The following CCDC3 variants were observed in gnomAD, a reference collection of about 807,000 sequenced individuals.
The protein encoded by CCDC3 is coiled-coil domain-containing protein 3.
In CCDC3, 24 loss-of-function variants were observed where a neutral mutation model predicts 21.4. That is an observed-to-expected ratio of 1.12 (90% CI 0.81 to 1.58). CCDC3 has a LOEUF of 1.58. CCDC3 is among the 40% of genes most tolerant of loss of function. The probability of loss-of-function intolerance (pLI) is 0.00; values close to 1 mark genes in which losing one functional copy is unlikely to be tolerated. For synonymous variants in CCDC3, 186 were observed against 166.0 expected (o/e 1.12, Z -0.93); for missense variants, 425 against 360.9 (o/e 1.18, Z -1.44).
At chr10:12,909,019 G>A (rs1834222355) in intron 2 of CCDC3, among the ~76,000 whole-genome samples, 1 of 152,190 alleles carries the variant, frequency 6.6e-6, no homozygotes, top group South Asian at 2.1e-4. Context: ...ACAGTGGATG[G>A]GGCTCTGGTC....
chr10:13,031,858 C>T (rs567903173), intron 5 of CCDC3, among the ~76,000 whole-genome samples: 1 of 152,116 alleles, frequency 6.6e-6, no homozygotes, highest in Non-Finnish European at 1.5e-5. Flanking sequence ...AATAGCCTAC[C>T]AATGAAAAAA....
intron 2 of CCDC3, among the ~76,000 whole-genome samples, chr10:12,967,714 G>GA (rs1394160252): frequency 2.6e-5 from 4 of 151,930 alleles, no homozygotes; most frequent in Admixed American, 2.0e-4. Flanking sequence ...GGAATTAAGG[G>GA]AAAAAAACAT....
chr10:13,083,986 G>A (rs1837073612), intron 3 of CCDC3, among the ~76,000 whole-genome samples: 1 of 152,168 alleles, frequency 6.6e-6, no homozygotes, highest in South Asian at 2.1e-4. Flanking sequence ...CAAGGAACAA[G>A]CATTCTGTTT....
intron 2 of CCDC3, among the ~76,000 whole-genome samples, chr10:12,944,661 T>C (rs1029542641): frequency 6.6e-6 from 1 of 152,232 alleles, no homozygotes; most frequent in Non-Finnish European, 1.5e-5. Context: ...AACCTATAAA[T>C]TGATTGAAAC....
intron 1 of CCDC3, 117 bp downstream of exon 1, chr10:13,001,080 A>G: frequency 7.5e-7 from 1 of 1,336,450 alleles, no homozygotes; most frequent in South Asian, 1.5e-5. Context: ...CCCCAGGGGC[A>G]TTCTCACTTG....
intron 5 of CCDC3, among the ~76,000 whole-genome samples, chr10:13,045,388 C>T (rs181905391): frequency 2.6e-5 from 4 of 152,202 alleles, no homozygotes; most frequent in Admixed American, 2.0e-4. Flanking sequence ...TGCCTGTAAT[C>T]GCAGCACTTT....
At chr10:13,088,123 C>T (rs1837134890) in intron 3 of CCDC3, among the ~76,000 whole-genome samples, 1 of 152,184 alleles carries the variant, frequency 6.6e-6, no homozygotes. Context: ...CAACTGTACA[C>T]AGCCGCCCCA....
chr10:12,898,320 C>G lies in CCDC3; in HGVS notation c.*96G>C. On this transcript the variant is annotated 3_prime_UTR_variant, in exon 3 of 3. Coordinates refer to ENST00000378825, the MANE Select transcript of CCDC3 (RefSeq NM_031455.4). ...CCAAATGCGTGATTAAAAACAAAAA[C>G]TCTTACAACCCTTGAAATAGCTGCA... 1 of 1,320,894 alleles carries G rather than the reference C, an allele frequency of 7.6e-7. No individual in the cohort carries two copies. The allele number at this position is 1,320,894 out of a possible 1,614,324, so 81.8% of individuals were successfully genotyped here. A position where few individuals can be genotyped will look rare whatever the true frequency, so the allele number is the denominator to read the frequency against.
chr10:12,972,021 C>A lies in CCDC3; in HGVS notation c.549+26317G>T, dbSNP rs113849680. Among the ~76,000 whole-genome samples the A allele has an allele frequency of 9.9e-5, 15 of 152,184 alleles. 1 individual carries two copies. Among genetic ancestry groups the A allele is most frequent in the African/African-American group, 3.6e-4 (15 of 41,520 alleles). On this transcript the variant is annotated intron_variant, in intron 2 of 2. Coordinates refer to ENST00000378825, the MANE Select transcript of CCDC3 (RefSeq NM_031455.4). ...TGTCTTTACCCTCTGCTCTCTCCTG[C>A]CTCTCCTAATGCTGCCTTATGGCTT...
intron 5 of CCDC3, among the ~76,000 whole-genome samples, chr10:13,040,309 A>G (rs1377174521): frequency 6.6e-6 from 1 of 152,192 alleles, no homozygotes; most frequent in East Asian, 1.9e-4. Context: ...ACCGTCCCCT[A>G]TGTTAACACG....
intron 4 of CCDC3, among the ~76,000 whole-genome samples, chr10:13,050,765 T>C (rs914896752): frequency 6.6e-6 from 1 of 151,932 alleles, no homozygotes; most frequent in Non-Finnish European, 1.5e-5. Context: ...AGCCTGTATT[T>C]ATTCTTTATC....
intron 2 of CCDC3, among the ~76,000 whole-genome samples, chr10:12,950,975 G>A (rs1404704420): frequency 6.6e-6 from 1 of 152,154 alleles, no homozygotes; most frequent in Non-Finnish European, 1.5e-5. Flanking sequence ...GGCCTTCCTC[G>A]ATAACACGAA....
chr10:13,028,171 T>C lies in CCDC3; in HGVS notation c.-2+21503A>G, dbSNP rs540997463. On this transcript the variant is annotated intron_variant, in intron 5 of 6. Coordinates refer to the CCDC3 transcript ENST00000378839. Reference sequence around the variant, plus strand: ...ATGAGAGGGACCCAGTGGGAGGTAATTGAATCATGGGGGTGGGTTTTTCCC... The same window carrying C: ...ATGAGAGGGACCCAGTGGGAGGTAACTGAATCATGGGGGTGGGTTTTTCCC... Among the ~76,000 whole-genome samples, 430 of 152,246 alleles carry C rather than the reference T, an allele frequency of 2.8e-3. 3 individuals carry two copies. The highest frequency in any genetic ancestry group is 9.6e-3 in the African/African-American group (400 of 41,550).
chr10:13,027,487 G>A (rs1330140923), intron 5 of CCDC3, among the ~76,000 whole-genome samples: 2 of 151,998 alleles, frequency 1.3e-5, no homozygotes, highest in East Asian at 3.9e-4. Flanking sequence ...CTGATTAAGA[G>A]GCTAATCATT....
rs138489903 is a variant in CCDC3 at position 12,934,627 on chromosome 10, G to A, written c.550-35948C>T. 4.7e-3 allele frequency among the ~76,000 whole-genome samples: 714 copies of A among 152,248 alleles called. 26 individuals are homozygous for A. In the East Asian group the frequency reaches 0.088, roughly 19 times the overall value. On this transcript the variant is annotated intron_variant, in intron 2 of 2. Coordinates refer to ENST00000378825, the MANE Select transcript of CCDC3 (RefSeq NM_031455.4). ...TTTTTGCCTCATATTTTGATGATCT[G>A]TTGCTAGGCACATAACATTAAGAAT...
At chr10:13,030,505 T>C (rs996052358) in intron 5 of CCDC3, among the ~76,000 whole-genome samples, 1 of 152,114 alleles carries the variant, frequency 6.6e-6, no homozygotes, top group Non-Finnish European at 1.5e-5. Context: ...TAACCTTAAA[T>C]GTAAATAGGC....
chr10:13,028,604 G>A (rs768265233), intron 5 of CCDC3, among the ~76,000 whole-genome samples: 3 of 152,076 alleles, frequency 2.0e-5, no homozygotes, highest in Non-Finnish European at 4.4e-5. Flanking sequence ...AACATTTAGG[G>A]ATTTAAATGG....
At chr10:13,047,121 T>C (rs1261011598) in intron 5 of CCDC3, among the ~76,000 whole-genome samples, 1 of 152,190 alleles carries the variant, frequency 6.6e-6, no homozygotes, top group Non-Finnish European at 1.5e-5. Context: ...TTAGCGGCAA[T>C]GGCTCATCGC....
intron 4 of CCDC3, among the ~76,000 whole-genome samples, chr10:13,072,201 C>T (rs972195356): frequency 6.6e-6 from 1 of 152,088 alleles, no homozygotes; most frequent in Non-Finnish European, 1.5e-5. Context: ...CGCCTTCAGG[C>T]TATCAAACTC....
Sources: gnomAD v4.1 joint callset for allele counts (sites outside exome capture counted in the v4.1 genomes callset) on GRCh38, gnomAD v4.1.1 for gene constraint, MANE v1.5 for transcripts, NCBI Gene and HGNC (gene_info 2026-07-23, HGNC 2026-07-21) for gene names.